Variants in CSF2RA observed in about 807,000 individuals in gnomAD.
The protein encoded by CSF2RA is granulocyte-macrophage colony-stimulating factor receptor subunit alpha.
Under a neutral mutation model 51.6 loss-of-function variants are expected in CSF2RA, and 42 were observed. The observed-to-expected ratio is 0.81, with a 90% CI of 0.64 to 1.05. CSF2RA has a LOEUF of 1.05. CSF2RA is among the 50% of genes least tolerant of loss of function. CSF2RA has a pLI of 0.00. For missense variants in CSF2RA, 530 were observed against 501.1 expected, an observed-to-expected ratio of 1.06 and a Z score of -0.55; for synonymous variants, 222 against 193.0, an observed-to-expected ratio of 1.15 and a Z score of -1.24.
intron 4 of CSF2RA, among the ~76,000 whole-genome samples, chrX:1,286,396 C>G (rs1370504502): frequency 6.6e-6 from 1 of 151,948 alleles, no homozygotes; most frequent in Non-Finnish European, 1.5e-5. Context: ...TGGTGAAACC[C>G]CATCTCTACT....
At chrX:1,312,275 G>A (rs1458661924), downstream of CSF2RA, among the ~76,000 whole-genome samples, 10 of 152,016 alleles carry the variant, frequency 6.6e-5, no homozygotes, top group African/African-American at 1.4e-4. Flanking sequence ...TCAGGCCCAC[G>A]GGGACACTCC....
At chrX:1,273,767 AT>A (rs1443563028) in intron 1 of CSF2RA, among the ~76,000 whole-genome samples, 12 of 132,368 alleles carry the variant, frequency 9.1e-5, no homozygotes, top group Non-Finnish European at 1.5e-4. Flanking sequence ...TTTTTTTTGT[AT>A]TTTTTTTTTT....
At chrX:1,280,985 CCTCCTCCTT>C (rs2089916449) in intron 2 of CSF2RA, among the ~76,000 whole-genome samples, 1 of 129,106 alleles carries the variant, frequency 7.7e-6, no homozygotes, top group Non-Finnish European at 1.7e-5. Flanking sequence ...TGCTTCTCCT[CCTCCTCCTT>C]CTCCTCCTCC....
the CSF2RA span, among the ~76,000 whole-genome samples, chrX:1,324,132 C>T: frequency 6.6e-6 from 1 of 151,816 alleles, no homozygotes; most frequent in African/African-American, 2.4e-5. Flanking sequence ...TTGCAGTAAG[C>T]TAAGATCACG....
downstream of CSF2RA, among the ~76,000 whole-genome samples, chrX:1,310,665 CTCA>C (rs1393914523): frequency 2.8e-5 from 3 of 108,356 alleles, no homozygotes; most frequent in Non-Finnish European, 5.0e-5. Flanking sequence ...GAGACTCCAT[CTCA>C]AAAAAAAAAA....
intron 4 of CSF2RA, chrX:1,287,264 CTA>C (rs2090810326): frequency 6.6e-6 from 1 of 151,012 alleles, no homozygotes; most frequent in African/African-American, 2.4e-5. Context: ...AGCGATTCTC[CTA>C]TCTCAGCCTC....
At chrX:1,293,288 G>C (rs1175182385) in intron 7 of CSF2RA, among the ~76,000 whole-genome samples, 1 of 152,048 alleles carries the variant, frequency 6.6e-6, no homozygotes, top group Admixed American at 6.6e-5. Context: ...GCGGGATCTC[G>C]GCTCACTGCA....
At chrX:1,306,040 C>T in intron 12 of CSF2RA, 1 of 459,240 alleles carries the variant, frequency 2.2e-6, no homozygotes, top group Admixed American at 3.4e-5. Flanking sequence ...CGAGATCGCA[C>T]CACTGCACTC....
Position 1,285,938 on chromosome X carries a change from T to C in CSF2RA, c.219+18T>C, listed in dbSNP as rs748973309. 6.2e-7 allele frequency: 1 copy of C among 1,613,722 alleles called. No individual in the cohort carries two copies. The highest frequency in any genetic ancestry group is 1.7e-5 in the Admixed American group (1 of 59,960). ...AACCCAGGGTGAGACGAATTTCCCA[T>C]TCTCAACCCCTGTCCTTTACACACC... On this transcript the variant is annotated intron_variant, in intron 4 of 12. Coordinates refer to ENST00000381529, the MANE Select transcript of CSF2RA (RefSeq NM_172245.4).
At chrX:1,321,449 A>G in the CSF2RA span, among the ~76,000 whole-genome samples, 1 of 151,932 alleles carries the variant, frequency 6.6e-6, no homozygotes, top group East Asian at 2.0e-4. Flanking sequence ...AGCCTGGGTG[A>G]CAGAGTGAGA....
chrX:1,288,185 A>C (rs2090984180), intron 4 of CSF2RA, among the ~76,000 whole-genome samples: 1 of 151,718 alleles, frequency 6.6e-6, no homozygotes, highest in African/African-American at 2.4e-5. Context: ...AAATCCAGGT[A>C]AAAACCAATA....
chrX:1,270,138 C>T lies in CSF2RA; in HGVS notation c.-91+1259C>T, dbSNP rs1451583016. On this transcript the variant is annotated intron_variant, in intron 1 of 12. Coordinates refer to ENST00000381529, the MANE Select transcript of CSF2RA (RefSeq NM_172245.4). ...AAAAAGATAACTAAAAGAAAAAAGT[C>T]GTGGGGAGAGATGCTCCACTACAAG... is the stretch of plus-strand genomic sequence containing the variant. Among the ~76,000 whole-genome samples, 27 of 152,014 alleles carry T rather than the reference C, an allele frequency of 1.8e-4. 1 individual carries two copies. The highest frequency in any genetic ancestry group is 6.5e-4 in the African/African-American group (27 of 41,500).
At chrX:1,275,673 C>T (rs2089089220) in intron 2 of CSF2RA, among the ~76,000 whole-genome samples, 1 of 151,652 alleles carries the variant, frequency 6.6e-6, no homozygotes, top group Non-Finnish European at 1.5e-5. Flanking sequence ...ATTCTCCTGC[C>T]TCAGCCTCCC....
intron 9 of CSF2RA, chrX:1,300,223 A>G: frequency 2.9e-6 from 1 of 339,282 alleles, no homozygotes; most frequent in Non-Finnish European, 5.1e-6. Context: ...CGTCTCAAAA[A>G]ATAAATAAAT....
chrX:1,294,181 C>T (rs111232301), intron 7 of CSF2RA, 147 bp from the exon 8 acceptor site: 1 of 982,732 alleles, frequency 1.0e-6, no homozygotes, highest in African/African-American at 1.6e-5. Context: ...CCTACTCCAC[C>T]TCCACCTGGA....
intron 11 of CSF2RA, among the ~76,000 whole-genome samples, chrX:1,304,305 CAGG>C (rs1288554099): frequency 1.1e-5 from 1 of 93,560 alleles, no homozygotes; most frequent in Non-Finnish European, 2.0e-5. Context: ...GAGGCTGAGG[CAGG>C]AGAATCGCTT....
chrX:1,304,621 C>T (rs1447076509), intron 11 of CSF2RA, among the ~76,000 whole-genome samples: 3 of 147,126 alleles, frequency 2.0e-5, no homozygotes, highest in African/African-American at 7.7e-5. Flanking sequence ...CCTTGAAGAG[C>T]GTGGTTTCTG....
chrX:1,288,896 T>C lies in CSF2RA; in HGVS notation c.473+8T>C. The C allele has an allele frequency of 6.3e-7, 1 of 1,575,018 alleles. No homozygotes were observed. The highest frequency in any genetic ancestry group is 2.3e-5 in the East Asian group (1 of 43,102). On this transcript the variant is annotated splice_region_variant and intron_variant, in intron 6 of 12. Transcript: ENST00000381529. ...GTACATACGAAACTCAAAGTAAGTG[T>C]TCACCTCATGTGAAGAATTATGAGG...
chrX:1,320,646 C>A, the CSF2RA span, among the ~76,000 whole-genome samples: 1 of 150,576 alleles, frequency 6.6e-6, no homozygotes, highest in Non-Finnish European at 1.5e-5. Context: ...TACAGGCGCC[C>A]ACCATCATGC....
Sources: allele counts gnomAD v4.1 joint callset (sites outside exome capture counted in the v4.1 genomes callset), GRCh38; gene constraint gnomAD v4.1.1; transcripts MANE v1.5; gene names NCBI Gene and HGNC (gene_info 2026-07-23, HGNC 2026-07-21).